NFATC2: variants seen among roughly 807,000 people sequenced by gnomAD.
NFATC2 encodes the protein nuclear factor of activated T cells 2.
NFATC2 carries 22 observed loss-of-function variants against 87.3 expected under a neutral mutation model. The observed-to-expected ratio is 0.25, with a 90% confidence interval of 0.18 to 0.36. The LOEUF is 0.36. Ranked by LOEUF, NFATC2 falls within the 10% of genes least tolerant of loss-of-function variation. The pLI is 1.00. For synonymous variants in NFATC2, 565 were observed against 542.2 expected (o/e 1.04, Z -0.58); for missense variants, 1,149 against 1,259.1 (o/e 0.91, Z 1.32).
At chr20:51,472,585 C>G (rs1452169474) in intron 5 of NFATC2, among the ~76,000 whole-genome samples, 1 of 149,846 alleles carries the variant, frequency 6.7e-6, no homozygotes, top group Non-Finnish European at 1.5e-5. Flanking sequence ...ACAATAGAAA[C>G]AGTTTTTGTT....
chr20:51,431,935 C>G, intron 9 of NFATC2, 132 bp downstream of exon 9: 4 of 962,230 alleles, frequency 4.2e-6, no homozygotes, highest in East Asian at 2.5e-5. Context: ...ATTATTCAAC[C>G]TCCTTAAATT....
intron 6 of NFATC2, among the ~76,000 whole-genome samples, chr20:51,451,892 A>G (rs1024840289): frequency 1.3e-5 from 2 of 152,214 alleles, no homozygotes; most frequent in Non-Finnish European, 2.9e-5. Context: ...GTGATTCTAC[A>G]TGATGGTGAG....
chr20:51,401,532 G>A (rs1241405913), intron 9 of NFATC2, among the ~76,000 whole-genome samples: 2 of 152,148 alleles, frequency 1.3e-5, no homozygotes, highest in African/African-American at 2.4e-5. Flanking sequence ...CCACGTGAAT[G>A]TGCTGGTCAG....
intron 6 of NFATC2, among the ~76,000 whole-genome samples, chr20:51,440,236 CAAAAAAAAAA>C (rs34071345): frequency 4.1e-5 from 4 of 97,228 alleles, no homozygotes; most frequent in African/African-American, 9.9e-5. Flanking sequence ...AACTCCATCT[CAAAAAAAAAA>C]AAAAAAAAAA....
intron 3 of NFATC2, among the ~76,000 whole-genome samples, chr20:51,483,266 T>C (rs1989418770): frequency 6.6e-6 from 1 of 152,168 alleles, no homozygotes; most frequent in Admixed American, 6.5e-5. Flanking sequence ...ACGATTCCAA[T>C]CCAAAATGTG....
chr20:51,454,792 G>A (rs1251126978), intron 5 of NFATC2, 104 bp from the exon 6 acceptor site: 7 of 1,263,288 alleles, frequency 5.5e-6, no homozygotes, highest in African/African-American at 1.5e-5. Context: ...CTGCCCACCT[G>A]TGTCACCTGT....
Position 51,542,608 on chromosome 20 carries a change from T to C in NFATC2, c.-109A>G, listed in dbSNP as rs1397546809. 9 of 1,226,762 alleles carry C rather than the reference T, an allele frequency of 7.3e-6. No individual in the cohort carries two copies. The highest frequency in any genetic ancestry group is 9.2e-6 in the Non-Finnish European group (9 of 980,296). 76.0% of individuals were successfully genotyped at this position (1,226,762 alleles called of 1,614,324 possible). A position where few individuals can be genotyped will look rare whatever the true frequency, so the allele number is the denominator to read the frequency against. Reference sequence around the variant, plus strand: ...AGGCGGCTCGAGCGGCGGGGTCCCTTTCCTCGTAGGGACGCACGCCGGGTC... The same window carrying C: ...AGGCGGCTCGAGCGGCGGGGTCCCTCTCCTCGTAGGGACGCACGCCGGGTC... On this transcript the variant is annotated 5_prime_UTR_variant, in exon 1 of 11. Transcript: ENST00000371564.
Position 51,390,125 on chromosome 20 carries a change from G to A in NFATC2, c.*1371C>T, listed in dbSNP as rs1986163253. 2 of 152,128 alleles carry A rather than the reference G, an allele frequency of 1.3e-5. No homozygotes were observed. Among genetic ancestry groups the A allele is most frequent in the Non-Finnish European group, 2.9e-5 (2 of 68,036 alleles). 9.4% of individuals were successfully genotyped at this position (152,128 alleles called of 1,614,324 possible). On this transcript the variant is annotated 3_prime_UTR_variant, in exon 11 of 11. Coordinates refer to ENST00000371564, the MANE Select transcript of NFATC2 (RefSeq NM_012340.5). Reference sequence around the variant, plus strand: ...TGCGCTCAGTGGAAACAGTTGGGAGGAAGGAAATCACATATAACATGCAAC... The same window carrying A: ...TGCGCTCAGTGGAAACAGTTGGGAGAAAGGAAATCACATATAACATGCAAC...
At chr20:51,520,839 T>G (rs550374707) in intron 2 of NFATC2, among the ~76,000 whole-genome samples, 15 of 152,080 alleles carry the variant, frequency 9.9e-5, no homozygotes, top group Non-Finnish European at 1.6e-4. Context: ...TTTGTATTTT[T>G]AGTAGAGACA....
At chr20:51,504,828 C>A (rs2076148987) in intron 3 of NFATC2, among the ~76,000 whole-genome samples, 1 of 152,144 alleles carries the variant, frequency 6.6e-6, no homozygotes, top group East Asian at 1.9e-4. Context: ...AATGCTGTCA[C>A]CTCCCCTGCA....
chr20:51,401,830 A>C (rs1320932261), intron 9 of NFATC2, among the ~76,000 whole-genome samples: 2 of 152,216 alleles, frequency 1.3e-5, no homozygotes, highest in Non-Finnish European at 2.9e-5. Context: ...ATCAATGGTG[A>C]TAATTTTCAT....
At chr20:51,394,966 G>A (rs1175329125) in intron 10 of NFATC2, among the ~76,000 whole-genome samples, 2 of 152,168 alleles carry the variant, frequency 1.3e-5, no homozygotes, top group Non-Finnish European at 2.9e-5. Flanking sequence ...ATGGCACCAT[G>A]CACACAGCAG....
intron 3 of NFATC2, 40 bp from the exon 4 acceptor site, chr20:51,475,700 T>C (rs761557743): frequency 3.1e-6 from 5 of 1,599,758 alleles, no homozygotes; most frequent in Non-Finnish European, 4.3e-6. Context: ...GTGCGGGGTG[T>C]GGTGGCTCTA....
At chr20:51,429,242 T>A (rs1167102553) in intron 9 of NFATC2, among the ~76,000 whole-genome samples, 1 of 152,216 alleles carries the variant, frequency 6.6e-6, no homozygotes, top group African/African-American at 2.4e-5. Context: ...ACGGTGGAGA[T>A]GCAGTCTGGG....
chr20:51,421,332 G>A (rs145199068), intron 9 of NFATC2, among the ~76,000 whole-genome samples: 72 of 152,294 alleles, frequency 4.7e-4, no homozygotes, highest in African/African-American at 1.7e-3. Flanking sequence ...AAGGAAGGTA[G>A]AGGGAGGGAA....
chr20:51,462,677 G>A (rs1177747864), intron 5 of NFATC2, among the ~76,000 whole-genome samples: 1 of 152,116 alleles, frequency 6.6e-6, no homozygotes, highest in Non-Finnish European at 1.5e-5. Flanking sequence ...ACCTCACTGG[G>A]CTGCCTGCAG....
chr20:51,561,463 G>GAAAGAA (rs1365405107), intron 1 of NFATC2, among the ~76,000 whole-genome samples: 1 of 131,700 alleles, frequency 7.6e-6, no homozygotes, highest in African/African-American at 2.9e-5. Context: ...AAGAAAGAAA[G>GAAAGAA]AAAGAAAGAA....
At position 51,542,462 on chromosome 20, in the gene NFATC2, C is replaced by T; in HGVS notation, c.38G>A (p.Gly13Glu). The change falls in exon 1 of 11, where the codon GGG becomes GAG. Residue 13 changes from glycine to glutamate, a missense_variant. Physicochemically the swap from Gly to Glu is moderately conservative, Grantham distance 98 (BLOSUM62 -2). Around this residue, in one of 3 missense-constraint regions of NFATC2, gnomAD observed 563 missense variants for 585.2 expected, o/e 0.96. Coordinates refer to ENST00000371564, the MANE Select transcript of NFATC2 (RefSeq NM_012340.5). ...CCCAGGCTCGTGGCCTGGGGCGTCC[C>T]CGCCGTCGGGTTGGGGCTGCCGCTC... ...APERQPQPDG[G>E]DAPGHEPGGS... 6.4e-7 allele frequency: 1 copy of T among 1,571,316 alleles called. No individual in the cohort carries two copies. Among genetic ancestry groups the T allele is most frequent in the Non-Finnish European group, 8.6e-7 (1 of 1,163,074 alleles).
intron 5 of NFATC2, among the ~76,000 whole-genome samples, chr20:51,466,378 G>A (rs1411007740): frequency 2.6e-5 from 4 of 152,044 alleles, no homozygotes; most frequent in African/African-American, 9.7e-5. Flanking sequence ...AATTCTAAGG[G>A]TTTCCTGAAG....
Sources: gnomAD v4.1 joint callset for allele counts (sites outside exome capture counted in the v4.1 genomes callset) on GRCh38, gnomAD v4.1.1 for gene constraint, gnomAD v4.1.1 regional missense constraint, MANE v1.5 for transcripts, NCBI Gene and HGNC (gene_info 2026-07-23, HGNC 2026-07-21) for gene names.